PITPNA: variants seen among roughly 807,000 people sequenced by gnomAD.
The protein encoded by PITPNA is phosphatidylinositol transfer protein alpha, also known as phosphatidylinositol transfer protein alpha isoform.
Under a neutral mutation model 50.3 loss-of-function variants are expected in PITPNA, and 13 were observed. The ratio of observed to expected loss-of-function variants is 0.26; its 90% CI spans 0.17 to 0.41. The LOEUF (loss-of-function observed/expected upper bound fraction) is 0.41. Ranked by LOEUF, PITPNA falls within the 10% of genes least tolerant of loss-of-function variation. PITPNA has a pLI of 1.00. For synonymous variants in PITPNA, 120 were observed against 119.6 expected, an observed-to-expected ratio of 1.00 and a Z score of -0.02; for missense variants, 207 against 333.4, an observed-to-expected ratio of 0.62 and a Z score of 2.95.
chr17:1,535,347 C>A, intron 8 of PITPNA, 55 bp from the exon 9 acceptor site: 1 of 1,511,918 alleles, frequency 6.6e-7, no homozygotes, highest in Non-Finnish European at 9.2e-7. Flanking sequence ...GACCTCAGGC[C>A]GTCCCCAGCT....
At chr17:1,533,603 G>A (rs1354197143) in intron 10 of PITPNA, among the ~76,000 whole-genome samples, 1 of 152,162 alleles carries the variant, frequency 6.6e-6, no homozygotes, top group African/African-American at 2.4e-5. Context: ...CCCTCCTTCT[G>A]CGATCCACGC....
At chr17:1,535,786 G>A (rs932713798) in intron 7 of PITPNA, 4 of 464,828 alleles carry the variant, frequency 8.6e-6, no homozygotes, top group Admixed American at 7.3e-5. Flanking sequence ...CATATTTACC[G>A]TGTTGAAGAC....
Position 1,553,832 on chromosome 17 carries a change from G to A in PITPNA, c.52-683C>T, listed in dbSNP as rs887051921. On this transcript the variant is annotated intron_variant, in intron 2 of 11. Transcript: ENST00000313486. ...CTAGTCTTAGGCCTCTCCTCACCCC[G>A]CAAGTAGCTCTTTCAGGCAATGAAA... Among the ~76,000 whole-genome samples the A allele has an allele frequency of 2.0e-5, 3 of 152,086 alleles. No individual in the cohort carries two copies. In the South Asian group the frequency reaches 6.2e-4, roughly 32 times the overall value.
intron 5 of PITPNA, among the ~76,000 whole-genome samples, chr17:1,542,072 T>A (rs1024268911): frequency 6.6e-6 from 1 of 151,692 alleles, no homozygotes; most frequent in African/African-American, 2.4e-5. Context: ...TGGTGGCGGG[T>A]GCCTGTAATC....
intron 10 of PITPNA, among the ~76,000 whole-genome samples, chr17:1,532,386 C>G (rs746727026): frequency 1.3e-5 from 2 of 151,368 alleles, no homozygotes; most frequent in African/African-American, 4.9e-5. Flanking sequence ...CGTGCCTGGC[C>G]GAGAAAGATT....
intron 2 of PITPNA, among the ~76,000 whole-genome samples, chr17:1,557,471 C>A (rs948759571): frequency 1.3e-5 from 2 of 152,208 alleles, no homozygotes; most frequent in Non-Finnish European, 2.9e-5. Flanking sequence ...TGACGAACCT[C>A]ACCCAAACTC....
chr17:1,539,075 T>C (rs1410778619), intron 6 of PITPNA, 123 bp from the exon 7 acceptor site: 4 of 629,912 alleles, frequency 6.4e-6, no homozygotes, highest in Non-Finnish European at 1.1e-5. Flanking sequence ...TAATGATAAG[T>C]AATTATACAA....
At chr17:1,537,167 G>A (rs1450117004) in intron 7 of PITPNA, among the ~76,000 whole-genome samples, 5 of 151,922 alleles carry the variant, frequency 3.3e-5, no homozygotes, top group African/African-American at 1.2e-4. Context: ...GGGTTCAAGC[G>A]ATTCTCCTGC....
chr17:1,534,041 C>G, intron 10 of PITPNA, 58 bp downstream of exon 10: 3 of 1,601,074 alleles, frequency 1.9e-6, no homozygotes, highest in Non-Finnish European at 2.6e-6. Context: ...CCCAGCAAAA[C>G]AGTCTCCTTA....
At chr17:1,535,798 G>C (rs893810192) in intron 7 of PITPNA, 25 of 423,280 alleles carry the variant, frequency 5.9e-5, no homozygotes, top group African/African-American at 5.1e-4. Flanking sequence ...GTTGAAGACA[G>C]AGACTTTCAA....
intron 6 of PITPNA, among the ~76,000 whole-genome samples, chr17:1,541,082 G>C (rs1203108477): frequency 6.6e-6 from 1 of 151,790 alleles, no homozygotes; most frequent in Non-Finnish European, 1.5e-5. Context: ...TTTTATTTTT[G>C]GTAGAGACAG....
rs61238602 is a variant in PITPNA, at chr17:1,554,390, ATTTTTT to A, written c.52-1247_52-1242del. On this transcript the variant is annotated intron_variant, in intron 2 of 11. Coordinates refer to ENST00000313486, the MANE Select transcript of PITPNA (RefSeq NM_006224.4). The stretch of plus-strand genomic sequence containing the variant: ...GGGGGGAAGACAAGGGTGTTTCTCT[ATTTTTT>A]TTTTTTTTTTTTTTTTTTTTTAGAC... Among the ~76,000 whole-genome samples the A allele has an allele frequency of 5.3e-4, 35 of 66,098 alleles. No homozygotes were observed. The South Asian group carries it at 0.011, about 20-fold the overall frequency. 43.4% of individuals were successfully genotyped at this position (66,098 alleles called of 152,430 possible).
chr17:1,526,019 C>G (rs558297535), intron 10 of PITPNA, among the ~76,000 whole-genome samples: 59 of 152,302 alleles, frequency 3.9e-4, no homozygotes, highest in Non-Finnish European at 7.1e-4. Flanking sequence ...CCAAACACCC[C>G]CCTCCACTAT....
At position 1,518,522 on chromosome 17, in the gene PITPNA, G is replaced by A. The variant is rs908985986; in HGVS notation, c.*2039C>T. The A allele has an allele frequency of 6.6e-6, 1 of 152,644 alleles. No individual in the cohort carries two copies. The highest frequency in any genetic ancestry group is 2.4e-5 in the African/African-American group (1 of 41,442). The allele number at this position is 152,644 out of a possible 1,614,324, so 9.5% of individuals were successfully genotyped here. A position where few individuals can be genotyped will look rare whatever the true frequency, so the allele number is the denominator to read the frequency against. On this transcript the variant is annotated 3_prime_UTR_variant, in exon 12 of 12. Transcript: ENST00000313486. ...GGACATCCTCCTTTATGTTTATGTG[G>A]GCTGCAATTCCAGATCCAGGCTGAC... is the stretch of plus-strand genomic sequence containing the variant.
intron 5 of PITPNA, chr17:1,541,850 A>G: frequency 1.5e-6 from 1 of 663,640 alleles, no homozygotes; most frequent in South Asian, 1.5e-5. Context: ...AGAGCTCTGT[A>G]GAATCACCCT....
intron 2 of PITPNA, 43 bp downstream of exon 2, chr17:1,558,482 CACAA>C: frequency 2.3e-6 from 3 of 1,318,030 alleles, no homozygotes; most frequent in South Asian, 2.4e-5. Flanking sequence ...AGCCAATGGT[CACAA>C]ACAGTTACAC....
chr17:1,527,937 T>C (rs954626162), intron 10 of PITPNA, among the ~76,000 whole-genome samples: 7 of 152,336 alleles, frequency 4.6e-5, no homozygotes, highest in South Asian at 2.1e-4. Flanking sequence ...ATCCCAACAC[T>C]TCGGGAGGCT....
intron 1 of PITPNA, among the ~76,000 whole-genome samples, chr17:1,560,186 CTGACG>C (rs971185802): frequency 5.9e-5 from 9 of 152,220 alleles, no homozygotes; most frequent in African/African-American, 2.2e-4. Flanking sequence ...GCTGAGGCTG[CTGACG>C]TGACGGCTGC....
At chr17:1,551,278 T>A (rs569030619) in intron 3 of PITPNA, among the ~76,000 whole-genome samples, 6 of 151,570 alleles carry the variant, frequency 4.0e-5, no homozygotes, top group Non-Finnish European at 4.4e-5. Context: ...CTTTTCTTTT[T>A]CTTTTTTTTC....
Sources: allele counts gnomAD v4.1 joint callset (sites outside exome capture counted in the v4.1 genomes callset), GRCh38; gene constraint gnomAD v4.1.1; transcripts MANE v1.5; gene names NCBI Gene and HGNC (gene_info 2026-07-23, HGNC 2026-07-21).